The following PPFIA2 variants were observed in gnomAD, a reference collection of about 807,000 sequenced individuals.
PPFIA2 encodes PPFI scaffold protein A2.
PPFIA2 carries 46 observed loss-of-function variants against 175.5 expected under a neutral mutation model. That is an observed-to-expected ratio of 0.26 (90% CI 0.21 to 0.34). The LOEUF is 0.34. Ranked by LOEUF, PPFIA2 falls within the 10% of genes least tolerant of loss-of-function variation. The pLI, the probability that PPFIA2 is intolerant of heterozygous loss-of-function variation, is 1.00. For missense variants in PPFIA2, 1,179 were observed against 1,506.1 expected, an observed-to-expected ratio of 0.78 and a Z score of 3.60; for synonymous variants, 568 against 511.4, an observed-to-expected ratio of 1.11 and a Z score of -1.49.
intron 7 of PPFIA2, among the ~76,000 whole-genome samples, chr12:81,410,638 T>C (rs968137435): frequency 6.6e-6 from 1 of 152,080 alleles, no homozygotes; most frequent in Non-Finnish European, 1.5e-5. Flanking sequence ...TCTTTGATAA[T>C]AACATCTTAT....
At chr12:81,439,659 T>C (rs374866864) in intron 7 of PPFIA2, among the ~76,000 whole-genome samples, 1 of 152,184 alleles carries the variant, frequency 6.6e-6, no homozygotes, top group East Asian at 1.9e-4. Flanking sequence ...ATTTGATATG[T>C]GTTCCAATTT....
chr12:81,531,023 ACAT>A (rs1405561049), intron 4 of PPFIA2, among the ~76,000 whole-genome samples: 1 of 151,902 alleles, frequency 6.6e-6, no homozygotes, highest in Admixed American at 6.6e-5. Context: ...TTGACAGACA[ACAT>A]CATAATAAAT....
chr12:81,438,091 C>T (rs1333595114), intron 7 of PPFIA2, among the ~76,000 whole-genome samples: 1 of 152,110 alleles, frequency 6.6e-6, no homozygotes. Flanking sequence ...AGCTGAAAGT[C>T]CATTATTTCT....
chr12:81,757,516 A>G (rs2084873736), intron 2 of PPFIA2, among the ~76,000 whole-genome samples: 1 of 152,214 alleles, frequency 6.6e-6, no homozygotes, highest in Non-Finnish European at 1.5e-5. Flanking sequence ...TTTGTTGAGA[A>G]AGAAAAAAAG....
At chr12:81,610,380 G>C (rs1424249542) in intron 4 of PPFIA2, among the ~76,000 whole-genome samples, 1 of 152,136 alleles carries the variant, frequency 6.6e-6, no homozygotes, top group African/African-American at 2.4e-5. Context: ...GGATGCCAAT[G>C]AATCATAGAT....
chr12:81,544,874 C>T (rs1471625432), intron 4 of PPFIA2, among the ~76,000 whole-genome samples: 1 of 152,084 alleles, frequency 6.6e-6, no homozygotes, highest in Admixed American at 6.6e-5. Context: ...AATCAGAACC[C>T]ATAAGGTAGC....
At chr12:81,261,855 G>T in intron 32 of PPFIA2, 94 bp downstream of exon 32, 1 of 785,594 alleles carries the variant, frequency 1.3e-6, no homozygotes, top group Non-Finnish European at 2.0e-6. Context: ...TGTACTGCTA[G>T]GGCATACCAA....
intron 3 of PPFIA2, among the ~76,000 whole-genome samples, chr12:81,736,090 C>G (rs1166831632): frequency 6.6e-6 from 1 of 151,888 alleles, no homozygotes; most frequent in Non-Finnish European, 1.5e-5. Context: ...ATCACCTCAT[C>G]CCTTCCTGTA....
intron 8 of PPFIA2, among the ~76,000 whole-genome samples, chr12:81,403,172 G>C (rs1237610129): frequency 6.6e-6 from 1 of 152,082 alleles, no homozygotes; most frequent in Non-Finnish European, 1.5e-5. Flanking sequence ...ACCAACACAA[G>C]AAGTGAATGA....
intron 8 of PPFIA2, among the ~76,000 whole-genome samples, chr12:81,389,656 G>C (rs2039732004): frequency 6.6e-6 from 1 of 152,018 alleles, no homozygotes; most frequent in South Asian, 2.1e-4. Context: ...TTAAAACTGT[G>C]ATTTATATCT....
intron 26 of PPFIA2, among the ~76,000 whole-genome samples, chr12:81,282,009 A>G (rs1565895901): frequency 6.6e-6 from 1 of 152,060 alleles, no homozygotes; most frequent in East Asian, 1.9e-4. Context: ...ATCATTGGAA[A>G]GAATCAGTCT....
At chr12:81,755,593 G>A (rs2084516793) in intron 2 of PPFIA2, among the ~76,000 whole-genome samples, 1 of 152,008 alleles carries the variant, frequency 6.6e-6, no homozygotes, top group Non-Finnish European at 1.5e-5. Flanking sequence ...ATTGAGGAGC[G>A]AAATTCAATT....
chr12:81,458,176 C>T (rs2053902690), intron 4 of PPFIA2, among the ~76,000 whole-genome samples: 1 of 152,040 alleles, frequency 6.6e-6, no homozygotes, highest in South Asian at 2.1e-4. Context: ...TTAAGTTTGG[C>T]TAATTTTATG....
chr12:81,758,908 A>G (rs888076447), intron 1 of PPFIA2, among the ~76,000 whole-genome samples: 3 of 151,670 alleles, frequency 2.0e-5, no homozygotes, highest in Admixed American at 2.0e-4. Context: ...CCTCCAAAAG[A>G]AAGCTTGGAG....
At chr12:81,335,963 C>A (rs2057064930) in intron 21 of PPFIA2, among the ~76,000 whole-genome samples, 1 of 152,054 alleles carries the variant, frequency 6.6e-6, no homozygotes, top group Admixed American at 6.6e-5. Context: ...AATTTGAATT[C>A]TTTACATGGA....
intron 5 of PPFIA2, among the ~76,000 whole-genome samples, chr12:81,448,456 A>C (rs1294499819): frequency 6.6e-6 from 1 of 152,140 alleles, no homozygotes; most frequent in Non-Finnish European, 1.5e-5. Context: ...GCTATTCTCA[A>C]AACACTATTT....
chr12:81,385,588 A>C (rs2038749987), intron 8 of PPFIA2, among the ~76,000 whole-genome samples: 2 of 152,152 alleles, frequency 1.3e-5, no homozygotes, highest in Admixed American at 1.3e-4. Context: ...ACATTATTCT[A>C]AGTGAAATAA....
intron 4 of PPFIA2, among the ~76,000 whole-genome samples, chr12:81,528,507 G>A (rs138509185): frequency 1.3e-5 from 2 of 152,052 alleles, no homozygotes; most frequent in African/African-American, 4.8e-5. Flanking sequence ...AATAAAACAA[G>A]TTCCTGACAA....
At chr12:81,609,925 T>A (rs927439784) in intron 4 of PPFIA2, among the ~76,000 whole-genome samples, 1 of 152,190 alleles carries the variant, frequency 6.6e-6, no homozygotes, top group Non-Finnish European at 1.5e-5. Context: ...CTTTTGATTC[T>A]AAGTTTAGCA....
Sources: allele counts gnomAD v4.1 joint callset (sites outside exome capture counted in the v4.1 genomes callset), GRCh38; gene constraint gnomAD v4.1.1; transcripts MANE v1.5; gene names NCBI Gene and HGNC (gene_info 2026-07-23, HGNC 2026-07-21).